SCN2A: variants seen among roughly 807,000 people sequenced by gnomAD.
SCN2A encodes the protein sodium channel protein type 2 subunit alpha.
A neutral mutation model predicts 188.7 loss-of-function variants in SCN2A; 20 were observed. The observed-to-expected ratio is 0.11, with a 90% CI of 0.07 to 0.15. The LOEUF (loss-of-function observed/expected upper bound fraction) is 0.15. Among genes scored for constraint, SCN2A ranks in the 10% least tolerant of loss-of-function variants. The pLI is 1.00. For missense variants in SCN2A, 1,278 were observed against 2,445.0 expected (o/e 0.52, Z 10.07); for synonymous variants, 804 against 833.1 (o/e 0.97, Z 0.60).
chr2:165,358,194 G>A (rs1700277587), intron 17 of SCN2A, among the ~76,000 whole-genome samples: 1 of 152,138 alleles, frequency 6.6e-6, no homozygotes, highest in Non-Finnish European at 1.5e-5. Flanking sequence ...AAATGTAGGT[G>A]CTCTTTGAAA....
At chr2:165,370,637 A>C in intron 20 of SCN2A, 1 of 277,730 alleles carries the variant, frequency 3.6e-6, no homozygotes, top group South Asian at 4.3e-5. Context: ...AATTTTTCAC[A>C]GGCATCTTTG....
intron 12 of SCN2A, among the ~76,000 whole-genome samples, chr2:165,325,114 T>A (rs533134595): frequency 1.1e-4 from 16 of 152,294 alleles, no homozygotes; most frequent in African/African-American, 3.8e-4. Flanking sequence ...TCTTGATAAA[T>A]GTTAATTGGG....
chr2:165,314,272 G>A (rs1293372844), intron 10 of SCN2A, among the ~76,000 whole-genome samples, 164 bp downstream of exon 10: 1 of 152,140 alleles, frequency 6.6e-6, no homozygotes, highest in Non-Finnish European at 1.5e-5. Context: ...TTATTGCAAT[G>A]ATCTCTGTCA....
At chr2:165,252,655 A>G (rs575965752) in intron 1 of SCN2A, among the ~76,000 whole-genome samples, 3 of 152,198 alleles carry the variant, frequency 2.0e-5, no homozygotes, top group South Asian at 2.1e-4. Context: ...CACAGTAAGG[A>G]GAGATTTTAT....
At chr2:165,381,265 T>A in intron 25 of SCN2A, 68 bp downstream of exon 25, 1 of 1,120,954 alleles carries the variant, frequency 8.9e-7, no homozygotes, top group Non-Finnish European at 1.3e-6. Context: ...CCCGAATTTC[T>A]AGAAACTAGT....
rs543356504 is a variant in SCN2A at position 165,239,600 on chromosome 2, C to T, written c.-92C>T. On this transcript the variant is annotated 5_prime_UTR_variant, in exon 1 of 27. In the 5' UTR this introduces an upstream ATG that the reference lacks. Transcript: ENST00000375437. ...TGGAGACTGTTATATTCAACACATA[C>T]GTGGATTCTGTGTTATGATTTACAT... 1.4e-5 allele frequency: 14 copies of T among 981,292 alleles called. No individual in the cohort carries two copies. Among genetic ancestry groups the T allele is most frequent in the Admixed American group, 6.2e-5 (1 of 16,256 alleles). The allele number at this position is 981,292 out of a possible 1,614,324, so 60.8% of individuals were successfully genotyped here.
chr2:165,284,527 G>A (rs965592475), intron 1 of SCN2A, among the ~76,000 whole-genome samples: 2 of 152,098 alleles, frequency 1.3e-5, no homozygotes, highest in Non-Finnish European at 2.9e-5. Context: ...CATTCATGGG[G>A]AAGATGCCCA....
intron 1 of SCN2A, among the ~76,000 whole-genome samples, chr2:165,252,864 G>A (rs1160186288): frequency 2.6e-5 from 4 of 152,050 alleles, no homozygotes; most frequent in South Asian, 2.1e-4. Context: ...AGGGGAGGGG[G>A]GGTGTGGCTG....
At position 165,391,351 on chromosome 2, in the gene SCN2A, A is replaced by G. The variant is rs1295138558; in HGVS notation, c.*1527A>G. 2 of 152,568 alleles carry G rather than the reference A, an allele frequency of 1.3e-5. No individual in the cohort carries two copies. The highest frequency in any genetic ancestry group is 6.6e-5 in the Admixed American group (1 of 15,248). The allele number at this position is 152,568 out of a possible 1,614,324, so 9.5% of individuals were successfully genotyped here. On this transcript the variant is annotated 3_prime_UTR_variant, in exon 27 of 27. Transcript: ENST00000375437. ...AAATCTGTTTAAAATATATGGTTAGAGTTTTCTAAGAAAATATAAATACTG... is the reference window on the plus strand; with the variant it reads ...AAATCTGTTTAAAATATATGGTTAGGGTTTTCTAAGAAAATATAAATACTG...
chr2:165,363,195 A>T (rs1260001094), intron 17 of SCN2A, among the ~76,000 whole-genome samples: 4 of 151,930 alleles, frequency 2.6e-5, no homozygotes, highest in Admixed American at 2.6e-4. Context: ...CTTTTTTTTA[A>T]GCAAAATTTA....
Position 165,341,846 on chromosome 2 carries a change from T to C in SCN2A, c.2389-450T>C, listed in dbSNP as rs139478488. On this transcript the variant is annotated intron_variant, in intron 14 of 26. Coordinates refer to ENST00000375437, the MANE Select transcript of SCN2A (RefSeq NM_001040142.2). ...TTTTTTTAAGAGTTCTTACTATCTG[T>C]AGAGCTAGCCGTGAGCATGTTTATT... Among the ~76,000 whole-genome samples, 675 of 152,318 alleles carry C rather than the reference T, an allele frequency of 4.4e-3. 3 individuals carry two copies. The highest frequency in any genetic ancestry group is 0.015 in the African/African-American group (643 of 41,578).
At chr2:165,376,744 A>G (rs1421676831) in intron 22 of SCN2A, among the ~76,000 whole-genome samples, 2 of 151,268 alleles carry the variant, frequency 1.3e-5, no homozygotes, top group Non-Finnish European at 3.0e-5. Context: ...GTGTGTAGAT[A>G]GAGAAAGAGA....
chr2:165,281,835 G>T (rs1405822715), intron 1 of SCN2A, among the ~76,000 whole-genome samples: 1 of 152,140 alleles, frequency 6.6e-6, no homozygotes, highest in Non-Finnish European at 1.5e-5. Flanking sequence ...CTAATGCTCT[G>T]CAGTCACCAT....
rs1193418383 is a variant in SCN2A, at chr2:165,389,732, G to A, written c.5926G>A (p.Asp1976Asn). The change falls in exon 27 of 27, where the codon GAT becomes AAT. Residue 1976 changes from aspartate to asparagine, a missense_variant. By Grantham distance (23) the Asp-to-Asn change is conservative. Transcript: ENST00000375437. The surrounding 1 kb of genome is among the most constrained non-coding windows in gnomAD (Gnocchi z 4.2). Reference sequence around the variant, plus strand: ...TTCCACCACGTCTCCACCCTCGTATGATAGTGTGACCAAACCAGAAAAAGA... The same window carrying A: ...TTCCACCACGTCTCCACCCTCGTATAATAGTGTGACCAAACCAGAAAAAGA... The part of the protein sequence containing the change: ...TPSTTSPPSY[D>N]SVTKPEKEKF... 6.2e-7 allele frequency: 1 copy of A among 1,613,700 alleles called. No individual in the cohort carries two copies. Among genetic ancestry groups the A allele is most frequent in the Non-Finnish European group, 8.5e-7 (1 of 1,179,908 alleles).
chr2:165,388,485 C>A, intron 26 of SCN2A, 144 bp from the exon 27 acceptor site: 2 of 1,163,580 alleles, frequency 1.7e-6, no homozygotes, highest in Non-Finnish European at 2.4e-6. Context: ...TTTCATTTTG[C>A]TCAACAAACA....
chr2:165,295,708 T>A, intron 1 of SCN2A, 65 bp from the exon 2 acceptor site: 1 of 1,452,554 alleles, frequency 6.9e-7, no homozygotes, highest in East Asian at 2.3e-5. Flanking sequence ...CTCAGTGTCA[T>A]GTAACTGACA....
intron 1 of SCN2A, among the ~76,000 whole-genome samples, chr2:165,276,183 A>G (rs950244219): frequency 3.3e-5 from 5 of 152,200 alleles, no homozygotes; most frequent in African/African-American, 9.6e-5. Flanking sequence ...AGAATTGGTC[A>G]TGCCAAATAG....
intron 25 of SCN2A, among the ~76,000 whole-genome samples, chr2:165,383,481 TG>T (rs1701709254): frequency 6.6e-6 from 1 of 152,120 alleles, no homozygotes; most frequent in African/African-American, 2.4e-5. Context: ...CAAACTTTTC[TG>T]GGCCTTGGAG....
rs779900992 is a variant in SCN2A at position 165,386,878 on chromosome 2, A to G, written c.4684A>G (p.Ile1562Val). 1 of 1,613,964 alleles carries G rather than the reference A, an allele frequency of 6.2e-7. No homozygotes were observed. The highest frequency in any genetic ancestry group is 8.5e-7 in the Non-Finnish European group (1 of 1,179,936). Reference protein sequence around the residue: ...TDDQSQEMTNILYWINLVFIV... With the variant: ...TDDQSQEMTNVLYWINLVFIV... ...TGACCAGAGTCAAGAAATGACAAAC[A>G]TTCTGTACTGGATTAATCTGGTGTT... Residue 1562 changes from isoleucine (I) to valine (V), a missense_variant, in exon 26 of 27, where the codon ATT (isoleucine) becomes GTT (valine). Transcript: ENST00000375437.
Sources: gnomAD v4.1 joint callset for allele counts (sites outside exome capture counted in the v4.1 genomes callset) on GRCh38, gnomAD v4.1.1 for gene constraint, Gnocchi (gnomAD v3.1) non-coding constraint, MANE v1.5 for transcripts, NCBI Gene and HGNC (gene_info 2026-07-23, HGNC 2026-07-21) for gene names.